MAT2B: variants seen among roughly 807,000 people sequenced by gnomAD.
MAT2B encodes the protein methionine adenosyltransferase 2 subunit beta.
In MAT2B, 16 loss-of-function variants were observed where a neutral mutation model predicts 36.1. That is an observed-to-expected ratio of 0.44 (90% CI 0.30 to 0.67). MAT2B has a LOEUF of 0.67. Among genes scored for constraint, MAT2B ranks in the 30% least tolerant of loss-of-function variants. The probability of loss-of-function intolerance (pLI) is 0.09; values close to 1 mark genes in which losing one functional copy is unlikely to be tolerated. For missense variants in MAT2B, 332 were observed against 398.2 expected (o/e 0.83, Z 1.42); for synonymous variants, 148 against 136.9 (o/e 1.08, Z -0.57).
At chr5:163,516,432 A>G (rs916635450) in intron 4 of MAT2B, 86 bp from the exon 5 acceptor site, 8 of 1,055,864 alleles carry the variant, frequency 7.6e-6, no homozygotes, top group Non-Finnish European at 1.1e-5. Context: ...TTCTACTTTG[A>G]TATTATTTAA....
At chr5:163,505,811 G>T in intron 1 of MAT2B, 62 bp downstream of exon 1, 1 of 1,222,664 alleles carries the variant, frequency 8.2e-7, no homozygotes, top group South Asian at 4.2e-5. Flanking sequence ...ACGAGCCACC[G>T]GGGCTCGGGC....
At chr5:163,515,770 C>CTTTTTTTTTTTTTTTT (rs66978639) in intron 4 of MAT2B, among the ~76,000 whole-genome samples, 1 of 69,778 alleles carries the variant, frequency 1.4e-5, no homozygotes, top group Non-Finnish European at 2.4e-5. Context: ...TTGCCTTTTT[C>CTTTTTTTTTTTTTTTT]TTTTTTTTTT....
upstream of MAT2B, chr5:163,503,265 C>A: frequency 1.3e-6 from 1 of 749,346 alleles, no homozygotes; most frequent in South Asian, 1.6e-5. Context: ...TTTAAAAGGT[C>A]AAGTGAAGCT....
intron 2 of MAT2B, 22 bp from the exon 3 acceptor site, chr5:163,513,533 T>C (rs757915464): frequency 1.5e-6 from 2 of 1,375,068 alleles, no homozygotes; most frequent in South Asian, 1.2e-5. Flanking sequence ...GAGTTAAAAA[T>C]ACGTCAATGC....
At chr5:163,512,254 T>C (rs1433741503) in intron 2 of MAT2B, 58 bp downstream of exon 2, 1 of 1,369,730 alleles carries the variant, frequency 7.3e-7, no homozygotes, top group African/African-American at 1.4e-5. Flanking sequence ...GTCTGGATGA[T>C]ACAGAAACTA....
intron 2 of MAT2B, chr5:163,512,739 G>A: frequency 2.2e-6 from 1 of 448,878 alleles, no homozygotes; most frequent in Non-Finnish European, 4.5e-6. Flanking sequence ...GGAGTGCAGT[G>A]GTGCAGTTGA....
In MAT2B at chr5:163,518,531, G is replaced by A; in HGVS notation, c.*168G>A. 2 of 531,760 alleles carry A rather than the reference G, an allele frequency of 3.8e-6. No homozygotes were observed. Among genetic ancestry groups the A allele is most frequent in the Non-Finnish European group, 6.3e-6 (2 of 316,374 alleles). The allele number at this position is 531,760 out of a possible 1,614,324, so 32.9% of individuals were successfully genotyped here. A position where few individuals can be genotyped will look rare whatever the true frequency, so the allele number is the denominator to read the frequency against. ...TGAAATTGTCTAAAGAAACTAAAGG[G>A]CAGTCATGCCCTGTTTGCAGTAATT... On this transcript the variant is annotated 3_prime_UTR_variant, in exon 7 of 7. Transcript: ENST00000321757.
At chr5:163,512,256 C>G (rs1326116291) in intron 2 of MAT2B, 60 bp downstream of exon 2, 14 of 1,356,770 alleles carry the variant, frequency 1.0e-5, no homozygotes, top group Admixed American at 1.7e-5. Flanking sequence ...CTGGATGATA[C>G]AGAAACTATC....
rs1760178179 is a variant in MAT2B at position 163,518,982 on chromosome 5, A to G, written c.*619A>G. On this transcript the variant is annotated 3_prime_UTR_variant, in exon 7 of 7. Coordinates refer to ENST00000321757, the MANE Select transcript of MAT2B (RefSeq NM_013283.5). ...GTGTACATGTATTTTTTTTCTAGGC[A>G]AACATTGAATGCAAACGTGTATTTT... The G allele has an allele frequency of 6.6e-6, 1 of 152,588 alleles. No homozygotes were observed. The highest frequency in any genetic ancestry group is 1.5e-5 in the Non-Finnish European group (1 of 68,024). The allele number at this position is 152,588 out of a possible 1,614,324, so 9.5% of individuals were successfully genotyped here.
intron 1 of MAT2B, among the ~76,000 whole-genome samples, chr5:163,510,140 T>C (rs1760014688): frequency 6.6e-6 from 1 of 152,208 alleles, no homozygotes; most frequent in South Asian, 2.1e-4. Context: ...TTATAACAAC[T>C]CTTGAGTTAA....
At position 163,518,783 on chromosome 5, in the gene MAT2B, T is replaced by G. The variant is rs1431494871; in HGVS notation, c.*420T>G. On this transcript the variant is annotated 3_prime_UTR_variant, in exon 7 of 7. Coordinates refer to ENST00000321757, the MANE Select transcript of MAT2B (RefSeq NM_013283.5). ...ATAGTATAAAAATCATTGGTGTTCA[T>G]TATTTGCTTTGCCTGAGCTCAGATC... The G allele has an allele frequency of 6.5e-6, 1 of 153,134 alleles. No homozygotes were observed. Among genetic ancestry groups the G allele is most frequent in the African/African-American group, 2.4e-5 (1 of 41,482 alleles). 9.5% of individuals were successfully genotyped at this position (153,134 alleles called of 1,614,324 possible). A position where few individuals can be genotyped will look rare whatever the true frequency, so the allele number is the denominator to read the frequency against.
intron 1 of MAT2B, among the ~76,000 whole-genome samples, chr5:163,510,541 C>G (rs1202847347): frequency 6.6e-6 from 1 of 151,850 alleles, no homozygotes; most frequent in Non-Finnish European, 1.5e-5. Flanking sequence ...ATTACAGGCA[C>G]CTGCAACCAC....
At chr5:163,514,078 T>A (rs1301817185) in intron 4 of MAT2B, 84 bp downstream of exon 4, 7 of 1,128,166 alleles carry the variant, frequency 6.2e-6, no homozygotes, top group Non-Finnish European at 8.4e-6. Context: ...GTTTTAAATT[T>A]AAAAAGTCAA....
intron 1 of MAT2B, among the ~76,000 whole-genome samples, chr5:163,506,532 A>T (rs781750334): frequency 6.6e-6 from 1 of 152,174 alleles, no homozygotes; most frequent in Non-Finnish European, 1.5e-5. Flanking sequence ...GGATAAGAAC[A>T]CTACTAATGC....
At chr5:163,517,822 C>G (rs750063899) in intron 6 of MAT2B, 148 bp downstream of exon 6, 20 of 565,262 alleles carry the variant, frequency 3.5e-5, no homozygotes, top group Non-Finnish European at 4.2e-5. Context: ...AAATTATCAT[C>G]TGTAGAGAAG....
intron 6 of MAT2B, 29 bp downstream of exon 6, chr5:163,517,703 A>G (rs7733775): frequency 0.58 from 778,673 of 1,335,750 alleles, 232,507 homozygotes; most frequent in East Asian, 0.8. Flanking sequence ...AAACCTTTAG[A>G]TCCATTGCTA....
At chr5:163,503,121 G>C (rs1759874512), upstream of MAT2B, 1 of 415,518 alleles carries the variant, frequency 2.4e-6, no homozygotes, top group Non-Finnish European at 4.4e-6. Context: ...TTTGCAAATA[G>C]ACCCAGGCTT....
chr5:163,510,642 C>G (rs1485564339), intron 1 of MAT2B, among the ~76,000 whole-genome samples: 2 of 152,020 alleles, frequency 1.3e-5, no homozygotes, highest in African/African-American at 4.8e-5. Flanking sequence ...GGTGATCTGC[C>G]CAGCTTGGCC....
rs549855557 is a variant in MAT2B, at chr5:163,516,509, C to T, written c.527-9C>T. On this transcript the variant is annotated splice_polypyrimidine_tract_variant and intron_variant, in intron 4 of 6. Transcript: ENST00000321757. ...CAGCTTTAAATTATTTGCTTTTATT[C>T]TTCTCTAGGAGCTGCTGTTTTGAGG... The T allele has an allele frequency of 4.8e-5, 77 of 1,610,206 alleles. No homozygotes were observed. The highest frequency in any genetic ancestry group is 6.3e-5 in the Non-Finnish European group (74 of 1,177,042).
Sources: gnomAD v4.1 joint callset for allele counts (sites outside exome capture counted in the v4.1 genomes callset) on GRCh38, gnomAD v4.1.1 for gene constraint, MANE v1.5 for transcripts, NCBI Gene and HGNC (gene_info 2026-07-23, HGNC 2026-07-21) for gene names.